The following PARD3B variants were observed in gnomAD, a reference collection of about 807,000 sequenced individuals.
The protein encoded by PARD3B is par-3 family cell polarity regulator beta.
A neutral mutation model predicts 130.2 loss-of-function variants in PARD3B; 103 were observed. The ratio of observed to expected loss-of-function variants is 0.79; its 90% confidence interval spans 0.67 to 0.93. PARD3B has a LOEUF of 0.93. Ranked by LOEUF, PARD3B falls within the 40% of genes least tolerant of loss-of-function variation. PARD3B has a pLI of 0.00. For missense variants in PARD3B, 1,609 were observed against 1,499.2 expected, an observed-to-expected ratio of 1.07 and a Z score of -1.21; for synonymous variants, 583 against 553.2, an observed-to-expected ratio of 1.05 and a Z score of -0.76.
intron 2 of PARD3B, among the ~76,000 whole-genome samples, chr2:204,765,897 G>A (rs778737310): frequency 1.3e-5 from 2 of 152,172 alleles, no homozygotes; most frequent in Non-Finnish European, 1.5e-5. Context: ...CGAGCCCATC[G>A]AACTTGCCTA....
At chr2:204,727,391 C>T (rs1002974100) in intron 2 of PARD3B, among the ~76,000 whole-genome samples, 6 of 152,138 alleles carry the variant, frequency 3.9e-5, no homozygotes, top group African/African-American at 9.7e-5. Flanking sequence ...GACTACATGT[C>T]GATGTCTAGT....
chr2:205,542,528 G>A (rs2052202698), intron 21 of PARD3B, among the ~76,000 whole-genome samples: 1 of 152,228 alleles, frequency 6.6e-6, no homozygotes, highest in East Asian at 1.9e-4. Flanking sequence ...CTCAGCTGCT[G>A]CAGTCATCAC....
intron 3 of PARD3B, among the ~76,000 whole-genome samples, chr2:205,033,799 A>G (rs931259869): frequency 2.0e-5 from 3 of 152,180 alleles, no homozygotes; most frequent in African/African-American, 7.2e-5. Flanking sequence ...GATTAACCTC[A>G]TAAATATCTA....
rs1414254451 is a variant in PARD3B, at chr2:204,548,071, T to A, written c.120+1952T>A. On this transcript the variant is annotated intron_variant, in intron 1 of 22. Transcript: ENST00000406610. Reference sequence around the variant, plus strand: ...TTAAGAAGTAGTAGGTGATGATTTTTCCCCTCCCCAAGTATTCTTCTCCCA... The same window carrying A: ...TTAAGAAGTAGTAGGTGATGATTTTACCCCTCCCCAAGTATTCTTCTCCCA... 2.0e-5 allele frequency among the ~76,000 whole-genome samples: 3 copies of A among 152,280 alleles called. No homozygotes were observed. In the East Asian group the frequency reaches 5.8e-4, roughly 29 times the overall value.
chr2:204,790,345 G>C (rs2042157859), intron 2 of PARD3B, among the ~76,000 whole-genome samples: 1 of 152,178 alleles, frequency 6.6e-6, no homozygotes, highest in African/African-American at 2.4e-5. Context: ...ACTGTTTCAT[G>C]AAGAGGGGTT....
chr2:204,962,646 T>G lies in PARD3B; in HGVS notation c.223-2506T>G, dbSNP rs143657337. ...CGAGGAATGTAGGTGTTCAGATGACTGAAGTAATTTAGTTAACAAGGACCT... is the reference window on the plus strand; with the variant it reads ...CGAGGAATGTAGGTGTTCAGATGACGGAAGTAATTTAGTTAACAAGGACCT... On this transcript the variant is annotated intron_variant, in intron 2 of 22. Coordinates refer to ENST00000406610, the MANE Select transcript of PARD3B (RefSeq NM_001302769.2). Among the ~76,000 whole-genome samples, 176 of 152,294 alleles carry G rather than the reference T, an allele frequency of 1.2e-3. 3 individuals are homozygous for G. In the East Asian group the frequency reaches 0.028, roughly 24 times the overall value.
intron 3 of PARD3B, among the ~76,000 whole-genome samples, chr2:205,040,992 C>G (rs1046000642): frequency 6.6e-6 from 1 of 152,190 alleles, no homozygotes; most frequent in Admixed American, 6.5e-5. Context: ...ACCCATTTCT[C>G]TGAGCACTCC....
At chr2:205,454,674 G>A (rs1170188511) in intron 20 of PARD3B, among the ~76,000 whole-genome samples, 1 of 152,246 alleles carries the variant, frequency 6.6e-6, no homozygotes, top group East Asian at 1.9e-4. Context: ...CTTCCATGTA[G>A]ATGCAGAAGA....
At chr2:205,214,338 C>G (rs1353325979) in intron 15 of PARD3B, among the ~76,000 whole-genome samples, 3 of 151,902 alleles carry the variant, frequency 2.0e-5, no homozygotes, top group Non-Finnish European at 4.4e-5. Flanking sequence ...TTGCTTTTAC[C>G]TGAAGCAACA....
intron 2 of PARD3B, among the ~76,000 whole-genome samples, chr2:204,836,057 G>A (rs566030377): frequency 1.3e-5 from 2 of 152,188 alleles, no homozygotes; most frequent in Admixed American, 6.5e-5. Context: ...TGCATGTTTC[G>A]ATGTAGTCTG....
intron 12 of PARD3B, among the ~76,000 whole-genome samples, chr2:205,175,064 T>C (rs934058171): frequency 5.9e-5 from 9 of 152,208 alleles, no homozygotes; most frequent in African/African-American, 2.2e-4. Flanking sequence ...AAATCCATTA[T>C]ATTTTTTATT....
In PARD3B at chr2:205,420,897, C is replaced by T. The variant is rs147417581; in HGVS notation, c.2742-19473C>T. On this transcript the variant is annotated intron_variant, in intron 19 of 22. Transcript: ENST00000406610. The stretch of plus-strand genomic sequence containing the variant: ...TGTGGCTCACGCTGTAATCCCATCA[C>T]TTTGAGAGGCCCAGGCGGGCAGATC... Among the ~76,000 whole-genome samples the T allele has an allele frequency of 3.8e-3, 577 of 152,302 alleles. 9 individuals are homozygous for T. The Middle Eastern group carries it at 0.048, about 13-fold the overall frequency.
At chr2:204,693,266 T>A (rs1224193839) in intron 2 of PARD3B, among the ~76,000 whole-genome samples, 1 of 152,088 alleles carries the variant, frequency 6.6e-6, no homozygotes, top group Non-Finnish European at 1.5e-5. Context: ...TCCATAATAT[T>A]TCAGGCCAAG....
chr2:205,497,319 C>T (rs990646871), intron 20 of PARD3B, among the ~76,000 whole-genome samples: 26 of 151,618 alleles, frequency 1.7e-4, no homozygotes, highest in African/African-American at 6.1e-4. Context: ...GAACCCTGTG[C>T]GAACTGTCAG....
chr2:205,600,787 G>A (rs1274927791), intron 22 of PARD3B, among the ~76,000 whole-genome samples: 2 of 152,138 alleles, frequency 1.3e-5, no homozygotes, highest in Non-Finnish European at 2.9e-5. Flanking sequence ...AGTTTGCCGA[G>A]GCTAATGGCT....
chr2:204,826,805 A>G (rs2043596350), intron 2 of PARD3B, among the ~76,000 whole-genome samples: 1 of 152,128 alleles, frequency 6.6e-6, no homozygotes, highest in African/African-American at 2.4e-5. Context: ...GGATGGCTTG[A>G]GGCCAAGAGT....
chr2:205,327,107 A>T (rs1036930208), intron 18 of PARD3B, among the ~76,000 whole-genome samples: 3 of 152,278 alleles, frequency 2.0e-5, no homozygotes. Flanking sequence ...TTATTTAAAG[A>T]TCTTCAGCAT....
chr2:205,088,291 G>A lies in PARD3B; in HGVS notation c.505-16135G>A, dbSNP rs1701865630. ...GAGGGAAGGATTAAAATTTGACAGA[G>A]TTTGAGCATAAATAAGGAAATAAAT... On this transcript the variant is annotated intron_variant, in intron 4 of 22. Transcript: ENST00000406610. Among the ~76,000 whole-genome samples, 4 of 152,162 alleles carry A rather than the reference G, an allele frequency of 2.6e-5. No individual in the cohort carries two copies. In the South Asian group the frequency reaches 8.3e-4, roughly 31 times the overall value.
At chr2:205,184,245 C>T (rs78802661) in intron 13 of PARD3B, among the ~76,000 whole-genome samples, 6,280 of 152,168 alleles carry the variant, frequency 0.041, 178 homozygotes, top group Non-Finnish European at 0.063. Flanking sequence ...ATATCCAGCA[C>T]GTGGACAAGC....
Sources: gnomAD v4.1 joint callset for allele counts (sites outside exome capture counted in the v4.1 genomes callset) on GRCh38, gnomAD v4.1.1 for gene constraint, MANE v1.5 for transcripts, NCBI Gene and HGNC (gene_info 2026-07-23, HGNC 2026-07-21) for gene names.